DCC: variants seen among roughly 807,000 people sequenced by gnomAD.
DCC encodes the protein DCC netrin 1 receptor.
A neutral mutation model predicts 172.5 loss-of-function variants in DCC; 58 were observed. The ratio of observed to expected loss-of-function variants is 0.34; its 90% CI spans 0.27 to 0.42. The LOEUF (loss-of-function observed/expected upper bound fraction) is 0.42. Ranked by LOEUF, DCC falls within the 10% of genes least tolerant of loss-of-function variation. The pLI is 1.00. For missense variants in DCC, 1,740 were observed against 1,791.0 expected (o/e 0.97, Z 0.51); for synonymous variants, 709 against 644.5 (o/e 1.10, Z -1.52).
intron 7 of DCC, among the ~76,000 whole-genome samples, chr18:53,090,432 G>A (rs1404838642): frequency 6.6e-6 from 1 of 151,714 alleles, no homozygotes; most frequent in African/African-American, 2.4e-5. Flanking sequence ...GGTGGCTCAC[G>A]CCTGTAATTC....
At chr18:52,747,106 G>T (rs2036917403) in intron 1 of DCC, among the ~76,000 whole-genome samples, 1 of 151,874 alleles carries the variant, frequency 6.6e-6, no homozygotes, top group African/African-American at 2.4e-5. Context: ...CCAAAATTTA[G>T]AAATCTTCCC....
At chr18:52,970,632 T>TA (rs1370019835) in intron 5 of DCC, among the ~76,000 whole-genome samples, 1 of 152,190 alleles carries the variant, frequency 6.6e-6, no homozygotes, top group East Asian at 1.9e-4. Flanking sequence ...TGTGGGAAAT[T>TA]TAATTTAACC....
intron 12 of DCC, among the ~76,000 whole-genome samples, chr18:53,231,696 CTG>C (rs1171051659): frequency 1.3e-5 from 2 of 152,082 alleles, no homozygotes; most frequent in African/African-American, 4.8e-5. Context: ...AAACTTTTAA[CTG>C]TGTGGGTGTT....
chr18:52,946,490 G>C (rs1484573058), intron 5 of DCC, among the ~76,000 whole-genome samples: 1 of 151,912 alleles, frequency 6.6e-6, no homozygotes, highest in Non-Finnish European at 1.5e-5. Flanking sequence ...TCAAGATGAT[G>C]GGTCTTTGGG....
chr18:52,678,293 G>T (rs2035681769), intron 1 of DCC, among the ~76,000 whole-genome samples: 1 of 152,098 alleles, frequency 6.6e-6, no homozygotes, highest in Non-Finnish European at 1.5e-5. Flanking sequence ...ATACTCCTGG[G>T]ATGATCTATA....
At chr18:53,388,689 A>C (rs1363618020) in intron 16 of DCC, among the ~76,000 whole-genome samples, 1 of 152,248 alleles carries the variant, frequency 6.6e-6, no homozygotes, top group Non-Finnish European at 1.5e-5. Context: ...GAAAAGAAGA[A>C]GACTAATAAA....
Position 53,532,263 on chromosome 18 carries a change from C to T in DCC, c.*1610C>T, listed in dbSNP as rs2046532039. ...TTAGGTGGGTAATTATATATGAATC[C>T]CTGAATAAAATATTTTGAGCAAAAT... On this transcript the variant is annotated 3_prime_UTR_variant, in exon 29 of 29. Transcript: ENST00000442544. 6.6e-6 allele frequency: 1 copy of T among 152,060 alleles called. No homozygotes were observed. The highest frequency in any genetic ancestry group is 2.4e-5 in the African/African-American group (1 of 41,418). 9.4% of individuals were successfully genotyped at this position (152,060 alleles called of 1,614,324 possible). A position where few individuals can be genotyped will look rare whatever the true frequency, so the allele number is the denominator to read the frequency against.
intron 5 of DCC, among the ~76,000 whole-genome samples, chr18:52,952,911 T>A (rs2040676091): frequency 6.9e-6 from 1 of 144,780 alleles, no homozygotes; most frequent in African/African-American, 2.6e-5. Context: ...GGTGGGAGAA[T>A]TGATTGATCC....
At chr18:52,809,197 A>G (rs1375997305) in intron 2 of DCC, 1 of 152,252 alleles carries the variant, frequency 6.6e-6, no homozygotes, top group Non-Finnish European at 1.5e-5. Flanking sequence ...ATTTTAGTAC[A>G]AATATTGTTA....
At chr18:52,831,165 C>A (rs2038607395) in intron 2 of DCC, among the ~76,000 whole-genome samples, 2 of 152,148 alleles carry the variant, frequency 1.3e-5, no homozygotes, top group South Asian at 4.1e-4. Context: ...CAGTGCAAAA[C>A]CTCCAAGGCA....
chr18:53,237,688 A>T (rs1200338287), intron 12 of DCC, among the ~76,000 whole-genome samples: 2 of 152,194 alleles, frequency 1.3e-5, no homozygotes, highest in African/African-American at 4.8e-5. Context: ...ATCTAAAAGT[A>T]CATTATTTAT....
At chr18:53,315,134 AC>A (rs1053176512) in intron 13 of DCC, among the ~76,000 whole-genome samples, 4 of 152,000 alleles carry the variant, frequency 2.6e-5, no homozygotes, top group African/African-American at 9.7e-5. Flanking sequence ...CCCTGACAGG[AC>A]CTGGTGTATG....
At chr18:52,551,072 G>C (rs2032757941) in intron 1 of DCC, among the ~76,000 whole-genome samples, 1 of 151,898 alleles carries the variant, frequency 6.6e-6, no homozygotes, top group Non-Finnish European at 1.5e-5. Flanking sequence ...AAACAATACT[G>C]TTGTCTACAG....
intron 2 of DCC, among the ~76,000 whole-genome samples, chr18:52,758,306 G>A (rs898699004): frequency 6.6e-5 from 10 of 152,134 alleles, no homozygotes; most frequent in South Asian, 4.2e-4. Context: ...CAATTCAGGC[G>A]AAGTTTGCAT....
chr18:52,551,751 C>T (rs9955592), intron 1 of DCC, among the ~76,000 whole-genome samples: 1 of 147,714 alleles, frequency 6.8e-6, no homozygotes, highest in African/African-American at 2.6e-5. Context: ...CACACACACA[C>T]ACACACACAC....
At chr18:53,091,254 C>G (rs1046233389) in intron 7 of DCC, among the ~76,000 whole-genome samples, 20 of 151,336 alleles carry the variant, frequency 1.3e-4, no homozygotes, top group Non-Finnish European at 2.4e-4. Context: ...TCATCTCTCT[C>G]AAACCCTGGG....
At chr18:53,040,452 G>C (rs2042154394) in intron 5 of DCC, among the ~76,000 whole-genome samples, 1 of 151,944 alleles carries the variant, frequency 6.6e-6, no homozygotes, top group Non-Finnish European at 1.5e-5. Flanking sequence ...GTATTCCTGA[G>C]TTTCATCTCA....
At chr18:53,037,768 G>A (rs150592716) in intron 5 of DCC, among the ~76,000 whole-genome samples, 54 of 152,018 alleles carry the variant, frequency 3.6e-4, no homozygotes, top group South Asian at 2.3e-3. Flanking sequence ...GGTTCACAAC[G>A]TGGAGGATGT....
chr18:53,221,072 C>A (rs2055925284), intron 12 of DCC, among the ~76,000 whole-genome samples: 1 of 152,076 alleles, frequency 6.6e-6, no homozygotes, highest in South Asian at 2.1e-4. Context: ...AACTCATCTT[C>A]AGATCTCTTC....
Sources: allele counts gnomAD v4.1 joint callset (sites outside exome capture counted in the v4.1 genomes callset), GRCh38; gene constraint gnomAD v4.1.1; transcripts MANE v1.5; gene names NCBI Gene and HGNC (gene_info 2026-07-23, HGNC 2026-07-21).